SAMD5: variants seen among roughly 807,000 people sequenced by gnomAD.
The protein encoded by SAMD5 is sterile alpha motif domain containing 5, also known as sterile alpha motif domain-containing protein 5.
Under a neutral mutation model 11.3 loss-of-function variants are expected in SAMD5, and 13 were observed. The observed-to-expected ratio is 1.15, with a 90% CI of 0.75 to 1.83. The LOEUF (loss-of-function observed/expected upper bound fraction) is 1.83. Ranked by LOEUF, SAMD5 falls within the 40% of genes most tolerant of loss-of-function variation. SAMD5 has a pLI of 0.00. For synonymous variants in SAMD5, 129 were observed against 111.3 expected (o/e 1.16, Z -1.00); for missense variants, 255 against 239.1 (o/e 1.07, Z -0.44).
chr6:147,895,353 CTG>C, the SAMD5 span, among the ~76,000 whole-genome samples: 9 of 152,108 alleles, frequency 5.9e-5, no homozygotes. Context: ...AGACCTTTAA[CTG>C]GAATATATTC....
chr6:147,834,181 A>C, the SAMD5 span, among the ~76,000 whole-genome samples: 1 of 152,232 alleles, frequency 6.6e-6, no homozygotes, highest in African/African-American at 2.4e-5. Flanking sequence ...GCAACTTACA[A>C]ATGCATGCTA....
chr6:147,768,625 T>G, the SAMD5 span, among the ~76,000 whole-genome samples: 1 of 152,230 alleles, frequency 6.6e-6, no homozygotes, highest in Non-Finnish European at 1.5e-5. Flanking sequence ...TAAATGATTT[T>G]TAATACTTAT....
intron 1 of SAMD5, among the ~76,000 whole-genome samples, chr6:147,513,717 G>A (rs548622326): frequency 1.3e-5 from 2 of 152,274 alleles, no homozygotes; most frequent in East Asian, 3.9e-4. Flanking sequence ...GGTCAATAGT[G>A]TGGAGAGATT....
intron 1 of SAMD5, among the ~76,000 whole-genome samples, chr6:147,632,929 C>A (rs573535116): frequency 6.6e-6 from 1 of 152,230 alleles, no homozygotes; most frequent in East Asian, 1.9e-4. Context: ...ACAGTCATGC[C>A]TTTGCACCTT....
intron 1 of SAMD5, among the ~76,000 whole-genome samples, chr6:147,720,107 G>A (rs1178396411): frequency 6.6e-6 from 1 of 152,206 alleles, no homozygotes; most frequent in Non-Finnish European, 1.5e-5. Context: ...GGCACGTACA[G>A]TGTCTGCAGT....
chr6:147,899,045 G>T, the SAMD5 span, among the ~76,000 whole-genome samples: 1 of 151,674 alleles, frequency 6.6e-6, no homozygotes, highest in Non-Finnish European at 1.5e-5. Flanking sequence ...GCCAGGCGTG[G>T]TGGCAGGCAC....
At chr6:147,875,924 T>C in the SAMD5 span, among the ~76,000 whole-genome samples, 1 of 152,136 alleles carries the variant, frequency 6.6e-6, no homozygotes, top group Non-Finnish European at 1.5e-5. Context: ...GTAATAATAA[T>C]AGAAATAAAG....
chr6:147,619,736 G>A (rs555574532), intron 1 of SAMD5, among the ~76,000 whole-genome samples: 1 of 152,330 alleles, frequency 6.6e-6, no homozygotes, highest in Non-Finnish European at 1.5e-5. Context: ...CTGCAAGAGA[G>A]GGTGGACCAT....
chr6:147,551,191 G>A (rs926580449), intron 1 of SAMD5, among the ~76,000 whole-genome samples: 4 of 152,150 alleles, frequency 2.6e-5, no homozygotes, highest in African/African-American at 9.7e-5. Flanking sequence ...AATTGAATTG[G>A]CCAAATTCTC....
chr6:147,546,399 G>T (rs138633009), intron 1 of SAMD5, among the ~76,000 whole-genome samples: 1 of 152,044 alleles, frequency 6.6e-6, no homozygotes, highest in Admixed American at 6.6e-5. Flanking sequence ...GTGTGGTGGC[G>T]CATGCCTGTA....
intron 1 of SAMD5, among the ~76,000 whole-genome samples, chr6:147,672,975 G>A (rs924675207): frequency 1.3e-5 from 2 of 151,872 alleles, no homozygotes; most frequent in Admixed American, 6.6e-5. Flanking sequence ...GCATCTTCTA[G>A]GTAAGTGATA....
intron 1 of SAMD5, among the ~76,000 whole-genome samples, chr6:147,623,627 GTTCT>G (rs1790004998): frequency 6.6e-6 from 1 of 152,114 alleles, no homozygotes; most frequent in African/African-American, 2.4e-5. Flanking sequence ...ACTTGCAACA[GTTCT>G]TTCTAAAAAC....
intron 1 of SAMD5, among the ~76,000 whole-genome samples, chr6:147,645,337 G>A (rs766186575): frequency 2.0e-5 from 3 of 152,094 alleles, no homozygotes; most frequent in Admixed American, 6.6e-5. Flanking sequence ...CATCACCCAT[G>A]GAAGCTGATT....
At chr6:147,795,334 C>T in the SAMD5 span, among the ~76,000 whole-genome samples, 6 of 142,422 alleles carry the variant, frequency 4.2e-5, no homozygotes, top group African/African-American at 1.1e-4. Context: ...TTTGTCCTGG[C>T]GATAGTTTAC....
the SAMD5 span, among the ~76,000 whole-genome samples, chr6:147,788,564 G>A: frequency 6.6e-6 from 1 of 152,068 alleles, no homozygotes; most frequent in Non-Finnish European, 1.5e-5. Context: ...ATGCTTTTGT[G>A]GATAAAAGTC....
At chr6:147,867,279 GTTTTT>G in the SAMD5 span, among the ~76,000 whole-genome samples, 5 of 115,394 alleles carry the variant, frequency 4.3e-5, no homozygotes, top group Non-Finnish European at 7.2e-5. Context: ...GGTCAAAAAG[GTTTTT>G]TTTTTTTTTT....
chr6:147,576,787 A>T (rs1389475909), intron 1 of SAMD5, among the ~76,000 whole-genome samples: 1 of 152,222 alleles, frequency 6.6e-6, no homozygotes, highest in African/African-American at 2.4e-5. Context: ...AAGACTTGCT[A>T]TATTAGCTGT....
chr6:147,794,277 G>C, the SAMD5 span, among the ~76,000 whole-genome samples: 4 of 152,176 alleles, frequency 2.6e-5, no homozygotes, highest in Non-Finnish European at 4.4e-5. Context: ...GAGCCAGTAA[G>C]GTTTAAATAT....
rs1789110780 is a variant in SAMD5, at chr6:147,569,928, G to A, written c.*5472G>A. The A allele has an allele frequency of 2.0e-6, 2 of 984,730 alleles. No individual in the cohort carries two copies. Among genetic ancestry groups the A allele is most frequent in the Non-Finnish European group, 2.4e-6 (2 of 829,512 alleles). 61.0% of individuals were successfully genotyped at this position (984,730 alleles called of 1,614,324 possible). ...GAAGGCACTATGAAAAGCCTAATTG[G>A]AATAGCATTATGAACCATGTAATGC... On this transcript the variant is annotated 3_prime_UTR_variant, in exon 2 of 2. Transcript: ENST00000367474.
Sources: gnomAD v4.1 joint callset for allele counts (sites outside exome capture counted in the v4.1 genomes callset) on GRCh38, gnomAD v4.1.1 for gene constraint, MANE v1.5 for transcripts, NCBI Gene and HGNC (gene_info 2026-07-23, HGNC 2026-07-21) for gene names.